LSP1: variants seen among roughly 807,000 people sequenced by gnomAD.
The protein encoded by LSP1 is lymphocyte specific protein 1.
A neutral mutation model predicts 49.3 loss-of-function variants in LSP1; 32 were observed. The ratio of observed to expected loss-of-function variants is 0.65; its 90% CI spans 0.49 to 0.87. The LOEUF (loss-of-function observed/expected upper bound fraction) is 0.87. Ranked by LOEUF, LSP1 falls within the 40% of genes least tolerant of loss-of-function variation. The pLI, the probability that LSP1 is intolerant of heterozygous loss-of-function variation, is 0.00. For synonymous variants in LSP1, 179 were observed against 178.8 expected, an observed-to-expected ratio of 1.00 and a Z score of -0.01; for missense variants, 428 against 442.6, an observed-to-expected ratio of 0.97 and a Z score of 0.30.
At chr11:1,886,231 C>T (rs1848743575) in intron 7 of LSP1, among the ~76,000 whole-genome samples, 1 of 152,054 alleles carries the variant, frequency 6.6e-6, no homozygotes, top group Non-Finnish European at 1.5e-5. Flanking sequence ...ACCAATACGG[C>T]TCTATCCAAC....
chr11:1,854,949 G>T (rs921858330), intron 1 of LSP1, among the ~76,000 whole-genome samples: 1 of 152,122 alleles, frequency 6.6e-6, no homozygotes, highest in African/African-American at 2.4e-5. Flanking sequence ...GGGAGGGGGG[G>T]TTGGAGCGGG....
rs760297169 is a variant in LSP1, at chr11:1,884,982, A to G, written c.717+401A>G. 2.0e-5 allele frequency among the ~76,000 whole-genome samples: 3 copies of G among 151,402 alleles called. No individual in the cohort carries two copies. The highest frequency in any genetic ancestry group is 3.9e-4 in the East Asian group (2 of 5,114). On this transcript the variant is annotated intron_variant, in intron 7 of 10. Transcript: ENST00000311604. This position sits in a 1 kb window ranked among gnomAD's most constrained non-coding sequence, Gnocchi z 4.1. ...CAATCAATGCTCTTTCATCCTATCA[A>G]TGCTCCTCTATCCAGCCAATATTCC...
rs1400734426 is a variant in LSP1, at chr11:1,889,830, G to C, written c.*14-1943G>C. The C allele has an allele frequency of 9.4e-6, 6 of 634,952 alleles. No homozygotes were observed. In the African/African-American group the frequency reaches 1.1e-4, roughly 12 times the overall value. 39.3% of individuals were successfully genotyped at this position (634,952 alleles called of 1,614,324 possible). The stretch of plus-strand genomic sequence containing the variant: ...TCTGGGCACTGAGGCCTGGAAGCCG[G>C]GTGGCGGCCGTGGTACAGGGGGCTC... On this transcript the variant is annotated intron_variant, in intron 10 of 10. Coordinates refer to ENST00000311604, the MANE Select transcript of LSP1 (RefSeq NM_002339.3).
chr11:1,870,218 C>A, intron 1 of LSP1: 1 of 1,228,688 alleles, frequency 8.1e-7, no homozygotes, highest in Non-Finnish European at 1.1e-6. Context: ...TGTGAGTCTC[C>A]CACGGCCCAC....
chr11:1,859,727 C>A (rs1387887059), intron 1 of LSP1, among the ~76,000 whole-genome samples: 7 of 150,660 alleles, frequency 4.6e-5, no homozygotes, highest in Admixed American at 2.7e-4. Context: ...CCCCAGCACC[C>A]ATGACCCACC....
At chr11:1,863,804 C>T (rs1486616934) in intron 1 of LSP1, among the ~76,000 whole-genome samples, 1 of 152,168 alleles carries the variant, frequency 6.6e-6, no homozygotes, top group African/African-American at 2.4e-5. Flanking sequence ...CCACTTTGTG[C>T]CCACTGGCCA....
intron 1 of LSP1, among the ~76,000 whole-genome samples, chr11:1,867,097 G>A (rs967369674): frequency 1.3e-5 from 2 of 152,170 alleles, no homozygotes; most frequent in Non-Finnish European, 2.9e-5. Flanking sequence ...TGTGGACCTG[G>A]GGAGGAGACA....
At chr11:1,858,684 C>T (rs923705934) in intron 1 of LSP1, among the ~76,000 whole-genome samples, 2 of 152,130 alleles carry the variant, frequency 1.3e-5, no homozygotes, top group African/African-American at 2.4e-5. Flanking sequence ...CCCAGCAGGG[C>T]CCCTTCCCCA....
intron 1 of LSP1, among the ~76,000 whole-genome samples, chr11:1,863,795 C>G (rs673791): frequency 0.67 from 102,063 of 152,028 alleles, 34,522 homozygotes; most frequent in East Asian, 0.84. Flanking sequence ...GCACCAGGCC[C>G]ACTTTGTGCC....
intron 1 of LSP1, chr11:1,869,033 G>T (rs1218750067): frequency 1.6e-5 from 16 of 985,756 alleles, no homozygotes; most frequent in African/African-American, 3.5e-5. Flanking sequence ...GGGCAGACAG[G>T]AGCCACTGCA....
chr11:1,877,154 G>A (rs1848345925), intron 1 of LSP1, among the ~76,000 whole-genome samples: 1 of 152,116 alleles, frequency 6.6e-6, no homozygotes. Context: ...TGGCCGGGGG[G>A]CGCCTTTCCC....
chr11:1,890,631 C>G, intron 10 of LSP1: 1 of 681,134 alleles, frequency 1.5e-6, no homozygotes. Flanking sequence ...CAGCCCTCCT[C>G]CCTCCTGAGG....
chr11:1,861,995 A>G (rs1414135610), intron 1 of LSP1, among the ~76,000 whole-genome samples: 1 of 150,014 alleles, frequency 6.7e-6, no homozygotes, highest in Non-Finnish European at 1.5e-5. Context: ...GGGTGAATGG[A>G]TGGGTGGATG....
chr11:1,890,352 ACCT>A (rs1848946342), intron 10 of LSP1: 2 of 715,282 alleles, frequency 2.8e-6, no homozygotes, highest in Non-Finnish European at 2.6e-6. Context: ...CGGGGCTGTG[ACCT>A]CCTGGTCATG....
intron 1 of LSP1, among the ~76,000 whole-genome samples, chr11:1,860,491 GA>G (rs1847602756): frequency 6.6e-6 from 1 of 152,184 alleles, no homozygotes; most frequent in African/African-American, 2.4e-5. Context: ...ATGAACAAAT[GA>G]GCAGATGAAC....
At chr11:1,882,517 T>A (rs1021216637) in intron 3 of LSP1, among the ~76,000 whole-genome samples, 22 of 151,484 alleles carry the variant, frequency 1.5e-4, no homozygotes, top group African/African-American at 5.1e-4. Flanking sequence ...GGCCTCAGTC[T>A]CCCCCCTACG....
intron 1 of LSP1, among the ~76,000 whole-genome samples, chr11:1,855,115 C>A (rs1484001985): frequency 1.3e-5 from 2 of 152,154 alleles, no homozygotes; most frequent in Non-Finnish European, 2.9e-5. Context: ...ATCCCCTGCC[C>A]CCGCGAATTG....
intron 1 of LSP1, among the ~76,000 whole-genome samples, chr11:1,875,670 T>A (rs961030687): frequency 1.3e-5 from 2 of 152,074 alleles, no homozygotes; most frequent in Non-Finnish European, 2.9e-5. Flanking sequence ...ACCCCCACCC[T>A]CCCCTGCCAT....
At position 1,859,255 on chromosome 11, in the gene LSP1, TG is replaced by T. The variant is rs1404815397; in HGVS notation, c.53+6062del. 5.3e-5 allele frequency among the ~76,000 whole-genome samples: 8 copies of T among 152,216 alleles called. No individual in the cohort carries two copies. The East Asian group carries it at 1.4e-3, about 26-fold the overall frequency. ...GAGGTGTCCAGGATACTCTGTCCAC[TG>T]GGGCAGGGGGTGGCTTCTAAGCCCA... On this transcript the variant is annotated intron_variant, in intron 1 of 10. Transcript: ENST00000311604.
Sources: gnomAD v4.1 joint callset for allele counts (sites outside exome capture counted in the v4.1 genomes callset) on GRCh38, gnomAD v4.1.1 for gene constraint, Gnocchi (gnomAD v3.1) non-coding constraint, MANE v1.5 for transcripts, NCBI Gene and HGNC (gene_info 2026-07-23, HGNC 2026-07-21) for gene names.